Variants in IQCH observed in about 807,000 individuals in gnomAD.
IQCH encodes the protein IQ domain-containing protein H.
In IQCH, 98 loss-of-function variants were observed where a neutral mutation model predicts 117.0. The ratio of observed to expected loss-of-function variants is 0.84; its 90% CI spans 0.71 to 0.99. IQCH has a LOEUF of 0.99. Among genes scored for constraint, IQCH ranks in the 50% least tolerant of loss-of-function variants. The pLI, the probability that IQCH is intolerant of heterozygous loss-of-function variation, is 0.00. For synonymous variants in IQCH, 412 were observed against 448.2 expected, an observed-to-expected ratio of 0.92 and a Z score of 1.02; for missense variants, 1,102 against 1,243.8, an observed-to-expected ratio of 0.89 and a Z score of 1.72.
chr15:67,482,488 T>C (rs1411998601), intron 18 of IQCH, among the ~76,000 whole-genome samples: 1 of 152,226 alleles, frequency 6.6e-6, no homozygotes, highest in African/African-American at 2.4e-5. Flanking sequence ...TTATTTCTAT[T>C]TGATAGCATT....
intron 10 of IQCH, among the ~76,000 whole-genome samples, chr15:67,379,258 G>T (rs1430778930): frequency 3.3e-5 from 5 of 152,096 alleles, no homozygotes; most frequent in African/African-American, 7.2e-5. Flanking sequence ...AGAATAATTT[G>T]TATGTTTTAT....
chr15:67,435,184 G>A (rs2082109443), intron 16 of IQCH, among the ~76,000 whole-genome samples: 1 of 151,692 alleles, frequency 6.6e-6, no homozygotes. Context: ...ATAGCCATCT[G>A]AAGAGGTGTG....
chr15:67,338,237 ATCTATCTATCTG>A (rs1341111571), intron 5 of IQCH, among the ~76,000 whole-genome samples: 8 of 150,650 alleles, frequency 5.3e-5, no homozygotes, highest in South Asian at 2.1e-4. Context: ...CTATCTATCT[ATCTATCTATCTG>A]TCTGCTCTGC....
In IQCH at chr15:67,500,749, C is replaced by T. The variant is rs2083958724; in HGVS notation, c.*3C>T. The T allele has an allele frequency of 6.8e-7, 1 of 1,467,390 alleles. No homozygotes were observed. The allele number at this position is 1,467,390 out of a possible 1,614,324, so 90.9% of individuals were successfully genotyped here. On this transcript the variant is annotated 3_prime_UTR_variant, in exon 21 of 21. Coordinates refer to ENST00000335894, the MANE Select transcript of IQCH (RefSeq NM_001031715.3). This position sits in a 1 kb window ranked among gnomAD's most constrained non-coding sequence, Gnocchi z 4.4. ...ACCTCTCTAAACCCAAGAAATGATC[C>T]TGGAATACAGTACATAACAATTTGG...
intron 4 of IQCH, among the ~76,000 whole-genome samples, chr15:67,333,402 A>G (rs1968754004): frequency 6.6e-6 from 1 of 152,202 alleles, no homozygotes; most frequent in African/African-American, 2.4e-5. Context: ...TGTGGTAAAG[A>G]AATATTTATT....
At chr15:67,355,299 A>G (rs1429624436) in intron 6 of IQCH, among the ~76,000 whole-genome samples, 1 of 152,140 alleles carries the variant, frequency 6.6e-6, no homozygotes, top group Non-Finnish European at 1.5e-5. Flanking sequence ...AAAATTAGTA[A>G]TAACTGGCCG....
chr15:67,321,576 C>T (rs1032134461), intron 4 of IQCH, among the ~76,000 whole-genome samples: 19 of 143,720 alleles, frequency 1.3e-4, no homozygotes, highest in African/African-American at 4.9e-4. Flanking sequence ...TCCCTTTCTT[C>T]CTCTCCCTTT....
chr15:67,269,305 G>T (rs543063889), intron 3 of IQCH, among the ~76,000 whole-genome samples: 1 of 152,224 alleles, frequency 6.6e-6, no homozygotes, highest in South Asian at 2.1e-4. Context: ...CTTTTATCCT[G>T]CTGGTAGAAG....
chr15:67,301,640 C>T (rs1567078810), intron 4 of IQCH, among the ~76,000 whole-genome samples: 1 of 151,776 alleles, frequency 6.6e-6, no homozygotes, highest in Non-Finnish European at 1.5e-5. Flanking sequence ...GAACTCCTGA[C>T]CTCAAATGAT....
intron 4 of IQCH, among the ~76,000 whole-genome samples, chr15:67,312,252 T>C (rs1315705818): frequency 6.6e-6 from 1 of 152,068 alleles, no homozygotes; most frequent in Non-Finnish European, 1.5e-5. Flanking sequence ...ACACCTATGA[T>C]AGGTTTAGGG....
chr15:67,454,192 C>A lies in IQCH; in HGVS notation c.2506-10935C>A, dbSNP rs2082603274. ...CTTGCGCTTCCCAGGTGGGGCGATGCCTTGCCCTGCTTTGGCTCATGCATG... is the reference window on the plus strand; with the variant it reads ...CTTGCGCTTCCCAGGTGGGGCGATGACTTGCCCTGCTTTGGCTCATGCATG... On this transcript the variant is annotated intron_variant, in intron 16 of 20. Transcript: ENST00000335894. This position sits in a 1 kb window ranked among gnomAD's most constrained non-coding sequence, Gnocchi z 5.2. 6.6e-6 allele frequency among the ~76,000 whole-genome samples: 1 copy of A among 152,202 alleles called. No homozygotes were observed. The highest frequency in any genetic ancestry group is 1.5e-5 in the Non-Finnish European group (1 of 68,034).
intron 6 of IQCH, among the ~76,000 whole-genome samples, chr15:67,349,606 CAAA>C (rs35892110): frequency 3.4e-5 from 4 of 119,118 alleles, no homozygotes; most frequent in Non-Finnish European, 3.4e-5. Flanking sequence ...GACTCCATCT[CAAA>C]AAAAAAAAAA....
At chr15:67,343,911 A>T (rs1969274387) in intron 5 of IQCH, 152 bp from the exon 6 acceptor site, 1 of 558,572 alleles carries the variant, frequency 1.8e-6, no homozygotes, top group East Asian at 3.1e-5. Flanking sequence ...TGTGTACTGT[A>T]GCTATTTTTT....
rs1307009214 is a variant in IQCH at position 67,381,351 on chromosome 15, CA to C, written c.1373-3584del. On this transcript the variant is annotated intron_variant, in intron 10 of 20. Coordinates refer to ENST00000335894, the MANE Select transcript of IQCH (RefSeq NM_001031715.3). This position sits in a 1 kb window ranked among gnomAD's most constrained non-coding sequence, Gnocchi z 5.1. Reference sequence around the variant, plus strand: ...TAGTAGATGAGTAACTTCAGAGAGGCAGCTCTCAGGTAAGCTTCTTTGATGT... The same window carrying C: ...TAGTAGATGAGTAACTTCAGAGAGGCGCTCTCAGGTAAGCTTCTTTGATGT... 6.6e-6 allele frequency among the ~76,000 whole-genome samples: 1 copy of C among 152,176 alleles called. No homozygotes were observed. The highest frequency in any genetic ancestry group is 1.5e-5 in the Non-Finnish European group (1 of 68,020).
rs796904884 is a variant in IQCH at position 67,411,311 on chromosome 15, C to T, written c.2098-5620C>T. Among the ~76,000 whole-genome samples the T allele has an allele frequency of 3.9e-5, 6 of 152,270 alleles. No individual in the cohort carries two copies. The highest frequency in any genetic ancestry group is 1.2e-4 in the African/African-American group (5 of 41,562). On this transcript the variant is annotated intron_variant, in intron 14 of 20. Coordinates refer to ENST00000335894, the MANE Select transcript of IQCH (RefSeq NM_001031715.3). The surrounding 1 kb of genome is among the most constrained non-coding windows in gnomAD (Gnocchi z 4.4). ...GTCAGAGGCAGCCAGAGAGCACCTG[C>T]GGCCTCCCAGTGTGACTGGAGAAGC...
At chr15:67,327,036 T>C (rs1320529979) in intron 4 of IQCH, among the ~76,000 whole-genome samples, 2 of 152,234 alleles carry the variant, frequency 1.3e-5, no homozygotes, top group African/African-American at 4.8e-5. Flanking sequence ...ACAGAAATTC[T>C]TAATCTAGAA....
chr15:67,353,945 ATC>A (rs1969778499), intron 6 of IQCH, among the ~76,000 whole-genome samples: 1 of 152,198 alleles, frequency 6.6e-6, no homozygotes, highest in Non-Finnish European at 1.5e-5. Context: ...AGTCAAAAAT[ATC>A]TCTCTGTCTT....
intron 4 of IQCH, among the ~76,000 whole-genome samples, chr15:67,288,733 A>G (rs1290004239): frequency 6.6e-6 from 1 of 152,092 alleles, no homozygotes; most frequent in East Asian, 1.9e-4. Context: ...AGTTTAGTCC[A>G]TTTACATTCA....
chr15:67,399,355 T>TA (rs1971568716), intron 13 of IQCH, among the ~76,000 whole-genome samples: 1 of 152,236 alleles, frequency 6.6e-6, no homozygotes, highest in Non-Finnish European at 1.5e-5. Context: ...GCCTGTCTCC[T>TA]ACTGAGAGTT....
Sources: allele counts gnomAD v4.1 joint callset (sites outside exome capture counted in the v4.1 genomes callset), GRCh38; gene constraint gnomAD v4.1.1; non-coding constraint Gnocchi (gnomAD v3.1); transcripts MANE v1.5; gene names NCBI Gene and HGNC (gene_info 2026-07-23, HGNC 2026-07-21).